GABBR2: variants seen among roughly 807,000 people sequenced by gnomAD.
GABBR2 encodes G-protein coupled receptor 51.
GABBR2 carries 23 observed loss-of-function variants against 105.6 expected under a neutral mutation model. That is an observed-to-expected ratio of 0.22 (90% CI 0.16 to 0.31). The LOEUF is 0.31. GABBR2 is among the 10% of genes least tolerant of loss of function. GABBR2 has a pLI of 1.00. For synonymous variants in GABBR2, 478 were observed against 499.7 expected (o/e 0.96, Z 0.58); for missense variants, 734 against 1,245.5 (o/e 0.59, Z 6.18).
intron 1 of GABBR2, among the ~76,000 whole-genome samples, chr9:98,596,754 C>T (rs1829241243): frequency 6.6e-6 from 1 of 152,326 alleles, no homozygotes; most frequent in African/African-American, 2.4e-5. Flanking sequence ...TTCTGCAAAA[C>T]ACAGCCTCCA....
chr9:98,648,004 C>A (rs1363323245), intron 1 of GABBR2, among the ~76,000 whole-genome samples: 1 of 149,332 alleles, frequency 6.7e-6, no homozygotes, highest in Admixed American at 6.7e-5. Flanking sequence ...AGGAAAGAAA[C>A]CTGCCAACAG....
intron 4 of GABBR2, among the ~76,000 whole-genome samples, chr9:98,486,563 C>A (rs1827055069): frequency 5.3e-5 from 8 of 152,224 alleles, no homozygotes; most frequent in Non-Finnish European, 1.2e-4. Context: ...TCCTGCCACC[C>A]ATGCATCTGT....
At chr9:98,371,006 T>C (rs1362125391) in intron 12 of GABBR2, among the ~76,000 whole-genome samples, 1 of 152,104 alleles carries the variant, frequency 6.6e-6, no homozygotes, top group African/African-American at 2.4e-5. Context: ...ATGTGGCTCC[T>C]GTCTTCCCTT....
Position 98,454,430 on chromosome 9 carries a change from G to A in GABBR2, c.1000-213C>T, listed in dbSNP as rs1179007893. ...TTACAGACCCCCCATTTTCAGGGGG[G>A]TCAACTTGCTTAGTTCCACAAAGCT... On this transcript the variant is annotated intron_variant, in intron 6 of 18. Transcript: ENST00000259455. This position sits in a 1 kb window ranked among gnomAD's most constrained non-coding sequence, Gnocchi z 4.6. Among the ~76,000 whole-genome samples, 1 of 152,104 alleles carries A rather than the reference G, an allele frequency of 6.6e-6. No individual in the cohort carries two copies. Among genetic ancestry groups the A allele is most frequent in the Non-Finnish European group, 1.5e-5 (1 of 68,012 alleles).
rs537120335 is a variant in GABBR2, at chr9:98,618,319, T to C, written c.322-40247A>G. Among the ~76,000 whole-genome samples, 15 of 152,288 alleles carry C rather than the reference T, an allele frequency of 9.8e-5. No individual in the cohort carries two copies. The South Asian group carries it at 1.7e-3, about 17-fold the overall frequency. On this transcript the variant is annotated intron_variant, in intron 1 of 18. Transcript: ENST00000259455. ...TTTTGTAATCTTGACTTTGTGGGGA[T>C]TGTTCGATCACAATAGTTGGGGGTT...
intron 2 of GABBR2, among the ~76,000 whole-genome samples, chr9:98,562,953 C>T (rs1198477730): frequency 6.7e-6 from 1 of 150,366 alleles, no homozygotes; most frequent in African/African-American, 2.4e-5. Context: ...GCCTGTAATC[C>T]CAGCTACTTG....
chr9:98,635,783 G>A (rs1322944275), intron 1 of GABBR2, among the ~76,000 whole-genome samples: 2 of 152,186 alleles, frequency 1.3e-5, no homozygotes, highest in African/African-American at 4.8e-5. Flanking sequence ...AAGAATAGAA[G>A]TTGAAGTCAA....
At chr9:98,659,868 T>TAA (rs573019933) in intron 1 of GABBR2, among the ~76,000 whole-genome samples, 1 of 147,332 alleles carries the variant, frequency 6.8e-6, no homozygotes, top group East Asian at 2.0e-4. Flanking sequence ...CTTGCAGGCT[T>TAA]AAAAAAAAAA....
intron 7 of GABBR2, among the ~76,000 whole-genome samples, chr9:98,424,683 CAAT>C (rs1280680772): frequency 6.7e-6 from 1 of 149,644 alleles, no homozygotes; most frequent in Non-Finnish European, 1.5e-5. Context: ...TCTTATACAC[CAAT>C]AACAGACAAA....
intron 3 of GABBR2, among the ~76,000 whole-genome samples, chr9:98,517,646 ATC>A (rs1827783723): frequency 6.6e-6 from 1 of 152,194 alleles, no homozygotes; most frequent in Non-Finnish European, 1.5e-5. Context: ...CTAGTATAAT[ATC>A]TCATCATGTT....
At chr9:98,295,708 T>C (rs1477258083) in intron 17 of GABBR2, among the ~76,000 whole-genome samples, 1 of 152,148 alleles carries the variant, frequency 6.6e-6, no homozygotes, top group Admixed American at 6.6e-5. Context: ...GTATTTTCAG[T>C]GGAGACAGGG....
chr9:98,406,821 T>C (rs1450061052), intron 7 of GABBR2, among the ~76,000 whole-genome samples: 1 of 152,204 alleles, frequency 6.6e-6, no homozygotes, highest in Admixed American at 6.5e-5. Context: ...TTCCAAATGC[T>C]TGGCTAAATA....
intron 11 of GABBR2, among the ~76,000 whole-genome samples, chr9:98,381,775 C>T (rs904435455): frequency 1.3e-5 from 2 of 152,230 alleles, no homozygotes; most frequent in African/African-American, 2.4e-5. Flanking sequence ...AGAGCCGATG[C>T]TGATTTGTAA....
At chr9:98,503,124 C>G (rs909324202) in intron 3 of GABBR2, among the ~76,000 whole-genome samples, 1 of 152,160 alleles carries the variant, frequency 6.6e-6, no homozygotes, top group African/African-American at 2.4e-5. Context: ...GGGGCAGGCT[C>G]CTGGGAGAGG....
intron 17 of GABBR2, among the ~76,000 whole-genome samples, chr9:98,295,082 C>A (rs1830359221): frequency 6.6e-6 from 1 of 152,184 alleles, no homozygotes; most frequent in Non-Finnish European, 1.5e-5. Context: ...AGTTGATCCT[C>A]ATTATTCATG....
chr9:98,592,747 G>A (rs775721197), intron 1 of GABBR2, among the ~76,000 whole-genome samples: 1 of 152,218 alleles, frequency 6.6e-6, no homozygotes, highest in Non-Finnish European at 1.5e-5. Context: ...CATAAGGGAA[G>A]GCAAAGAGCC....
intron 11 of GABBR2, among the ~76,000 whole-genome samples, chr9:98,372,132 C>T (rs1324830830): frequency 6.6e-6 from 1 of 152,218 alleles, no homozygotes; most frequent in East Asian, 1.9e-4. Flanking sequence ...TGCCCTGACG[C>T]CTAGCCCTGG....
At position 98,306,913 on chromosome 9, in the gene GABBR2, C is replaced by T. The variant is rs1830560785; in HGVS notation, c.2005-568G>A. On this transcript the variant is annotated intron_variant, in intron 14 of 18. Coordinates refer to ENST00000259455, the MANE Select transcript of GABBR2 (RefSeq NM_005458.8). The surrounding 1 kb of genome is among the most constrained non-coding windows in gnomAD (Gnocchi z 5.4). ...CATATTGCTAGCTTCTGGACAATGC[C>T]TGTAAATAGAAGTGGTGTGCACATG... 6.6e-6 allele frequency among the ~76,000 whole-genome samples: 1 copy of T among 152,202 alleles called. No homozygotes were observed. The highest frequency in any genetic ancestry group is 6.5e-5 in the Admixed American group (1 of 15,284).
rs191464380 is a variant in GABBR2, at chr9:98,565,102, G to A, written c.459+12833C>T. 1.2e-3 allele frequency among the ~76,000 whole-genome samples: 179 copies of A among 152,300 alleles called. 1 individual carries two copies. Among genetic ancestry groups the A allele is most frequent in the Middle Eastern group, 3.4e-3 (1 of 294 alleles). ...GACGGGGAAGGCCACCAGAAAGGCT[G>A]GCACCACAGCTCTCTGCCCTACCTG... On this transcript the variant is annotated intron_variant, in intron 2 of 18. Transcript: ENST00000259455.
Sources: gnomAD v4.1 joint callset for allele counts (sites outside exome capture counted in the v4.1 genomes callset) on GRCh38, gnomAD v4.1.1 for gene constraint, Gnocchi (gnomAD v3.1) non-coding constraint, MANE v1.5 for transcripts, NCBI Gene and HGNC (gene_info 2026-07-23, HGNC 2026-07-21) for gene names.